Variants in SPSB4 observed in about 807,000 individuals in gnomAD.
The protein encoded by SPSB4 is splA/ryanodine receptor domain and SOCS box containing 4, also known as SPRY domain-containing SOCS box protein 4.
In SPSB4, 21 loss-of-function variants were observed where a neutral mutation model predicts 20.9. That is an observed-to-expected ratio of 1.01 (90% CI 0.71 to 1.45). The LOEUF (loss-of-function observed/expected upper bound fraction) is 1.45. Ranked by LOEUF, SPSB4 falls within the 40% of genes most tolerant of loss-of-function variation. The pLI is 0.00. For missense variants in SPSB4, 399 were observed against 399.2 expected (o/e 1.00, Z 0.00); for synonymous variants, 207 against 183.8 (o/e 1.13, Z -1.02).
At chr3:141,061,801 T>C (rs1407242167) in intron 1 of SPSB4, among the ~76,000 whole-genome samples, 3 of 150,356 alleles carry the variant, frequency 2.0e-5, no homozygotes, top group African/African-American at 7.3e-5. Flanking sequence ...AGTGGCACGA[T>C]CTTGGCTTAC....
At chr3:141,118,628 T>C (rs1938917582) in intron 2 of SPSB4, among the ~76,000 whole-genome samples, 1 of 152,198 alleles carries the variant, frequency 6.6e-6, no homozygotes, top group African/African-American at 2.4e-5. Flanking sequence ...TTTTAGTTCT[T>C]ACATTTAGGT....
chr3:141,053,530 ATGACAAAC>A (rs1936131847), intron 1 of SPSB4, among the ~76,000 whole-genome samples: 1 of 152,218 alleles, frequency 6.6e-6, no homozygotes, highest in Non-Finnish European at 1.5e-5. Context: ...CAAAAGATAT[ATGACAAAC>A]TGTCACATAT....
In SPSB4 at chr3:141,102,059, A is replaced by G. The variant is rs975615668; in HGVS notation, c.694+35261A>G. 4.6e-5 allele frequency among the ~76,000 whole-genome samples: 7 copies of G among 152,334 alleles called. No homozygotes were observed. In the South Asian group the frequency reaches 8.3e-4, roughly 18 times the overall value. On this transcript the variant is annotated intron_variant, in intron 2 of 2. Coordinates refer to ENST00000310546, the MANE Select transcript of SPSB4 (RefSeq NM_080862.3). ...AAAAGTTCTAATAGTTTGTTTATTCATGCTTTCATTGATTCATTCATTCCT... is the reference window on the plus strand; with the variant it reads ...AAAAGTTCTAATAGTTTGTTTATTCGTGCTTTCATTGATTCATTCATTCCT...
At chr3:141,112,420 C>T (rs1162866896) in intron 2 of SPSB4, among the ~76,000 whole-genome samples, 6 of 151,528 alleles carry the variant, frequency 4.0e-5, no homozygotes, top group African/African-American at 9.7e-5. Context: ...CCGAGGCGGG[C>T]GGATCACGAG....
intron 2 of SPSB4, among the ~76,000 whole-genome samples, chr3:141,089,799 C>T (rs182880034): frequency 4.8e-4 from 73 of 152,336 alleles, no homozygotes; most frequent in Admixed American, 1.5e-3. Context: ...TCAGGGATTT[C>T]ACAGAAATCA....
At chr3:141,138,371 T>G (rs549508659) in intron 2 of SPSB4, among the ~76,000 whole-genome samples, 1 of 152,238 alleles carries the variant, frequency 6.6e-6, no homozygotes, top group Non-Finnish European at 1.5e-5. Context: ...TCTTGCCTTC[T>G]GCTAGCTTTT....
At chr3:141,099,770 G>T (rs1262383734) in intron 2 of SPSB4, among the ~76,000 whole-genome samples, 1 of 152,186 alleles carries the variant, frequency 6.6e-6, no homozygotes, top group Non-Finnish European at 1.5e-5. Flanking sequence ...CTTAGATTTA[G>T]ATAAGAACAA....
chr3:141,075,617 C>T lies in SPSB4; in HGVS notation c.694+8819C>T, dbSNP rs569034246. ...GTAGGACTGGGTCGGGCCCAAGATTCTGCATTTCTAACAAGCTCCTGGATG... is the reference window on the plus strand; with the variant it reads ...GTAGGACTGGGTCGGGCCCAAGATTTTGCATTTCTAACAAGCTCCTGGATG... On this transcript the variant is annotated intron_variant, in intron 2 of 2. Transcript: ENST00000310546. Among the ~76,000 whole-genome samples, 5 of 152,200 alleles carry T rather than the reference C, an allele frequency of 3.3e-5. No homozygotes were observed. In the South Asian group the frequency reaches 6.2e-4, roughly 19 times the overall value.
chr3:141,075,341 C>G (rs938537426), intron 2 of SPSB4, among the ~76,000 whole-genome samples: 1 of 152,134 alleles, frequency 6.6e-6, no homozygotes, highest in Non-Finnish European at 1.5e-5. Context: ...AGACCCTGTC[C>G]TGGCCGCCGC....
At chr3:141,089,348 AG>A (rs1938408242) in intron 2 of SPSB4, among the ~76,000 whole-genome samples, 1 of 152,204 alleles carries the variant, frequency 6.6e-6, no homozygotes, top group Non-Finnish European at 1.5e-5. Flanking sequence ...AGAACAGTGC[AG>A]TAAGGACCCC....
intron 2 of SPSB4, among the ~76,000 whole-genome samples, chr3:141,145,467 A>T (rs1939398523): frequency 6.6e-6 from 1 of 152,154 alleles, no homozygotes; most frequent in East Asian, 1.9e-4. Flanking sequence ...CTACATTCCC[A>T]TGTAAAAAGT....
chr3:141,083,201 C>T (rs1206239786), intron 2 of SPSB4, among the ~76,000 whole-genome samples: 1 of 152,228 alleles, frequency 6.6e-6, no homozygotes, highest in Non-Finnish European at 1.5e-5. Context: ...GGTGCCCTCA[C>T]TAGAGTGGGG....
intron 2 of SPSB4, among the ~76,000 whole-genome samples, chr3:141,145,297 C>T (rs1318589666): frequency 6.6e-6 from 1 of 151,836 alleles, no homozygotes; most frequent in Non-Finnish European, 1.5e-5. Flanking sequence ...CTGCAGATAG[C>T]CTTGGGATCT....
chr3:141,112,617 C>T (rs1353838353), intron 2 of SPSB4, among the ~76,000 whole-genome samples: 1 of 129,234 alleles, frequency 7.7e-6, no homozygotes, highest in African/African-American at 3.1e-5. Flanking sequence ...TGCACTCCAG[C>T]CTGGGCGACA....
At chr3:141,113,096 C>A (rs1377858604) in intron 2 of SPSB4, among the ~76,000 whole-genome samples, 1 of 152,092 alleles carries the variant, frequency 6.6e-6, no homozygotes, top group Non-Finnish European at 1.5e-5. Flanking sequence ...AGTGAGATGC[C>A]ACTTCATACC....
chr3:141,133,222 A>G (rs1445320249), intron 2 of SPSB4, among the ~76,000 whole-genome samples: 1 of 152,058 alleles, frequency 6.6e-6, no homozygotes, highest in Non-Finnish European at 1.5e-5. Flanking sequence ...TGTCAGATGC[A>G]TAGTTTGTGA....
intron 2 of SPSB4, among the ~76,000 whole-genome samples, chr3:141,140,390 T>C (rs922006733): frequency 6.6e-6 from 1 of 152,196 alleles, no homozygotes; most frequent in African/African-American, 2.4e-5. Context: ...GCTGCGTTCC[T>C]TTGGAGGAGA....
intron 1 of SPSB4, among the ~76,000 whole-genome samples, chr3:141,059,038 TG>T (rs1365889828): frequency 2.0e-5 from 3 of 152,120 alleles, no homozygotes; most frequent in Non-Finnish European, 4.4e-5. Flanking sequence ...GTGCAGTGGC[TG>T]GGGGCACAGA....
intron 2 of SPSB4, among the ~76,000 whole-genome samples, chr3:141,103,244 C>T (rs927998159): frequency 1.3e-5 from 2 of 152,196 alleles, no homozygotes; most frequent in Admixed American, 1.3e-4. Context: ...AATTCTAAAG[C>T]AGGAGCTGAT....
Sources: gnomAD v4.1 joint callset for allele counts (sites outside exome capture counted in the v4.1 genomes callset) on GRCh38, gnomAD v4.1.1 for gene constraint, MANE v1.5 for transcripts, NCBI Gene and HGNC (gene_info 2026-07-23, HGNC 2026-07-21) for gene names.